TMEM163: variants seen among roughly 807,000 people sequenced by gnomAD.
TMEM163 encodes the protein transmembrane protein 163.
A neutral mutation model predicts 29.3 loss-of-function variants in TMEM163; 17 were observed. That is an observed-to-expected ratio of 0.58 (90% CI 0.40 to 0.87). The LOEUF (loss-of-function observed/expected upper bound fraction) is 0.87. Among genes scored for constraint, TMEM163 ranks in the 40% least tolerant of loss-of-function variants. The probability of loss-of-function intolerance (pLI) is 0.00; values close to 1 mark genes in which losing one functional copy is unlikely to be tolerated. For synonymous variants in TMEM163, 157 were observed against 160.6 expected (o/e 0.98, Z 0.17); for missense variants, 303 against 381.5 (o/e 0.79, Z 1.71).
At chr2:134,686,340 C>CG (rs1391436901) in intron 2 of TMEM163, among the ~76,000 whole-genome samples, 2 of 152,186 alleles carry the variant, frequency 1.3e-5, no homozygotes, top group Admixed American at 6.5e-5. Context: ...AGCCTGCCCC[C>CG]GGGCTCAACC....
intron 2 of TMEM163, among the ~76,000 whole-genome samples, chr2:134,554,374 C>T (rs748800842): frequency 5.2e-4 from 74 of 143,094 alleles, no homozygotes; most frequent in Admixed American, 2.8e-3. Context: ...TGCGGTGAAC[C>T]GAGATCACGC....
At chr2:134,548,185 G>A (rs1401161104) in intron 4 of TMEM163, among the ~76,000 whole-genome samples, 4 of 152,048 alleles carry the variant, frequency 2.6e-5, no homozygotes, top group African/African-American at 7.2e-5. Flanking sequence ...AGCCACATAT[G>A]TAATTTTAAA....
chr2:134,546,133 A>G (rs58713275), intron 4 of TMEM163, among the ~76,000 whole-genome samples: 24,340 of 152,192 alleles, frequency 0.16, 4,700 homozygotes, highest in African/African-American at 0.46. Context: ...TAACAACTAT[A>G]TAAAACAGTA....
intron 4 of TMEM163, among the ~76,000 whole-genome samples, chr2:134,514,606 G>A (rs539250612): frequency 3.1e-4 from 47 of 152,244 alleles, no homozygotes; most frequent in African/African-American, 1.0e-3. Context: ...TACAGAAGGC[G>A]ATGAGTGGTC....
intron 7 of TMEM163, 44 bp downstream of exon 7, chr2:134,457,988 C>T (rs779835131): frequency 5.0e-6 from 8 of 1,613,222 alleles, no homozygotes; most frequent in Non-Finnish European, 6.8e-6. Flanking sequence ...AAAAGGGACA[C>T]TCCTAGCTGC....
At chr2:134,718,238 G>C (rs13018063) in intron 1 of TMEM163, among the ~76,000 whole-genome samples, 6 of 152,144 alleles carry the variant, frequency 3.9e-5, no homozygotes, top group Non-Finnish European at 8.8e-5. Flanking sequence ...GCCCTTCGCC[G>C]GGGCGGGCAG....
intron 2 of TMEM163, among the ~76,000 whole-genome samples, chr2:134,575,595 T>C (rs915831323): frequency 1.3e-5 from 2 of 152,124 alleles, no homozygotes; most frequent in African/African-American, 4.8e-5. Context: ...GATGTGTCAC[T>C]CGCCACACGG....
intron 2 of TMEM163, among the ~76,000 whole-genome samples, chr2:134,577,897 G>A (rs564873552): frequency 6.6e-6 from 1 of 152,292 alleles, no homozygotes; most frequent in South Asian, 2.1e-4. Context: ...ATTAGGTATT[G>A]TAAGTACATC....
Position 134,552,068 on chromosome 2 carries a change from C to T in TMEM163, c.346G>A (p.Ala116Thr), listed in dbSNP as rs759386524. Residue 116 changes from alanine to threonine, a missense_variant, in exon 3 of 8, where the codon GCC becomes ACC. This residue lies in a region of TMEM163 where 203 missense variants were observed against 294.3 expected (regional missense o/e 0.69). Coordinates refer to ENST00000281924, the MANE Select transcript of TMEM163 (RefSeq NM_030923.5). ...AFTVSVMRYSASAFGFAFDAI... is the reference protein window; with the variant it reads ...AFTVSVMRYSTSAFGFAFDAI... ...CTTACTGCAAACCCAAAAGCAGAGG[C>T]GCTGTACCTCATAACGGAGACAGCT... 1.8e-5 allele frequency: 29 copies of T among 1,612,944 alleles called. No homozygotes were observed. Among genetic ancestry groups the T allele is most frequent in the East Asian group, 1.6e-4 (7 of 44,860 alleles).
intron 2 of TMEM163, among the ~76,000 whole-genome samples, chr2:134,647,327 C>CT (rs1194419342): frequency 6.6e-6 from 1 of 152,156 alleles, no homozygotes; most frequent in African/African-American, 2.4e-5. Flanking sequence ...TAGTCTCAGC[C>CT]TTTTTATAAA....
At chr2:134,718,615 G>A (rs1407234135) in intron 1 of TMEM163, 119 bp downstream of exon 1, 2 of 746,694 alleles carry the variant, frequency 2.7e-6, no homozygotes, top group Non-Finnish European at 1.7e-6. Context: ...GGAAGTCGGG[G>A]CTCCGCGCCC....
chr2:134,458,255 T>C, intron 6 of TMEM163, 82 bp from the exon 7 acceptor site: 1 of 1,541,708 alleles, frequency 6.5e-7, no homozygotes. Context: ...TGCCTCCACG[T>C]AACTGGAGCA....
At chr2:134,542,278 G>A (rs1385267755) in intron 4 of TMEM163, among the ~76,000 whole-genome samples, 2 of 152,174 alleles carry the variant, frequency 1.3e-5, no homozygotes, top group African/African-American at 4.8e-5. Flanking sequence ...GGCAGCTGTC[G>A]TGACCCTCCC....
intron 5 of TMEM163, among the ~76,000 whole-genome samples, chr2:134,477,273 T>G (rs183853610): frequency 1.1e-4 from 17 of 152,228 alleles, no homozygotes; most frequent in African/African-American, 4.1e-4. Context: ...GCCATTTTAC[T>G]CTCAAGGAAC....
intron 2 of TMEM163, among the ~76,000 whole-genome samples, chr2:134,564,478 AT>A (rs1247166579): frequency 3.3e-5 from 5 of 152,194 alleles, no homozygotes; most frequent in Non-Finnish European, 5.9e-5. Flanking sequence ...AAAGGTAAAG[AT>A]TTTTTAAACT....
chr2:134,601,337 A>G (rs1326274255), intron 2 of TMEM163, among the ~76,000 whole-genome samples: 1 of 152,224 alleles, frequency 6.6e-6, no homozygotes, highest in Non-Finnish European at 1.5e-5. Context: ...AAATAACACC[A>G]GCCTTCCCTC....
chr2:134,456,711 C>A lies in TMEM163; in HGVS notation c.*5G>T, dbSNP rs747476383. ...TCGATGGTCTCATGCGGATGCTGGC[C>A]CCCTTCACTCAAACATCTCGTAGTG... On this transcript the variant is annotated 3_prime_UTR_variant, in exon 8 of 8. Coordinates refer to ENST00000281924, the MANE Select transcript of TMEM163 (RefSeq NM_030923.5). The A allele has an allele frequency of 1.1e-5, 18 of 1,613,962 alleles. No homozygotes were observed. In the African/African-American group the frequency reaches 2.1e-4, roughly 19 times the overall value.
chr2:134,606,872 G>C (rs190569785), intron 2 of TMEM163, among the ~76,000 whole-genome samples: 4 of 152,264 alleles, frequency 2.6e-5, no homozygotes, highest in African/African-American at 9.6e-5. Context: ...CAATAAAACA[G>C]TGAAGTAGCA....
chr2:134,535,805 T>A (rs935655419), intron 4 of TMEM163, among the ~76,000 whole-genome samples: 4 of 151,574 alleles, frequency 2.6e-5, no homozygotes, highest in Non-Finnish European at 5.9e-5. Context: ...CTCACTGCAA[T>A]CCCCACCTCC....
Sources: gnomAD v4.1 joint callset for allele counts (sites outside exome capture counted in the v4.1 genomes callset) on GRCh38, gnomAD v4.1.1 for gene constraint, gnomAD v4.1.1 regional missense constraint, MANE v1.5 for transcripts, NCBI Gene and HGNC (gene_info 2026-07-23, HGNC 2026-07-21) for gene names.